Variants in ADARB2 observed in about 807,000 individuals in gnomAD.
ADARB2 encodes the protein adenosine deaminase RNA specific B2 (inactive).
ADARB2 carries 25 observed loss-of-function variants against 62.2 expected under a neutral mutation model. The observed-to-expected ratio is 0.40, with a 90% CI of 0.29 to 0.56. ADARB2 has a LOEUF of 0.56. Among genes scored for constraint, ADARB2 ranks in the 20% least tolerant of loss-of-function variants. ADARB2 has a pLI of 0.43. For missense variants in ADARB2, 1,071 were observed against 1,077.4 expected (o/e 0.99, Z 0.08); for synonymous variants, 572 against 500.8 (o/e 1.14, Z -1.90).
intron 3 of ADARB2, among the ~76,000 whole-genome samples, chr10:1,303,433 A>C (rs905700116): frequency 3.3e-5 from 5 of 152,122 alleles, no homozygotes; most frequent in African/African-American, 1.2e-4. Context: ...GGGAGAATGG[A>C]ACCAAGTTGG....
intron 1 of ADARB2, among the ~76,000 whole-genome samples, chr10:1,730,627 ATCATC>A (rs1835218603): frequency 1.3e-5 from 2 of 149,790 alleles, no homozygotes; most frequent in Non-Finnish European, 3.0e-5. Context: ...GAGCATTTAT[ATCATC>A]TTTCTCTTCG....
chr10:1,460,840 TGTG>T (rs1831164670), intron 1 of ADARB2, among the ~76,000 whole-genome samples: 4 of 128,314 alleles, frequency 3.1e-5, no homozygotes, highest in African/African-American at 9.6e-5. Flanking sequence ...CAAACCTGCC[TGTG>T]ACCTGAGTTT....
intron 1 of ADARB2, among the ~76,000 whole-genome samples, chr10:1,446,564 G>T (rs548296414): frequency 6.6e-6 from 1 of 152,322 alleles, no homozygotes; most frequent in East Asian, 1.9e-4. Context: ...GCAGGGAGGC[G>T]GTGCTGAAGC....
At position 1,200,109 on chromosome 10, in the gene ADARB2, T is replaced by C. The variant is rs765803187; in HGVS notation, c.1721A>G (p.His574Arg). ...CTGCAGGTACACGGGCTCCACGAAG[T>C]GGGACAGGAGCGCGCCCTGCAGCCC... ...VLGLQGALLS[H>R]FVEPVYLQSI... Residue 574 changes from histidine to arginine, a missense_variant, in exon 8 of 10, where the codon CAC becomes CGC. Physicochemically the swap from His to Arg is conservative, Grantham distance 29. Coordinates refer to ENST00000381312, the MANE Select transcript of ADARB2 (RefSeq NM_018702.4). 5.1e-6 allele frequency: 8 copies of C among 1,558,580 alleles called. No homozygotes were observed. Among genetic ancestry groups the C allele is most frequent in the Non-Finnish European group, 6.9e-6 (8 of 1,152,462 alleles).
intron 1 of ADARB2, among the ~76,000 whole-genome samples, chr10:1,599,240 T>A (rs1305779706): frequency 6.6e-6 from 1 of 152,122 alleles, no homozygotes; most frequent in African/African-American, 2.4e-5. Context: ...GAAACAAAGA[T>A]GGAAAGGCCG....
In ADARB2 at chr10:1,636,834, A is replaced by G. The variant is rs185390668; in HGVS notation, c.100+100217T>C. 3.4e-3 allele frequency among the ~76,000 whole-genome samples: 511 copies of G among 148,406 alleles called. 1 individual carries two copies. The highest frequency in any genetic ancestry group is 7.1e-3 in the Middle Eastern group (2 of 280). ...TGTTATATATGTCATATATTATATA[A>G]CATATATCACAAATTATAAAACATA... On this transcript the variant is annotated intron_variant, in intron 1 of 9. Coordinates refer to ENST00000381312, the MANE Select transcript of ADARB2 (RefSeq NM_018702.4).
In ADARB2 at chr10:1,639,242, G is replaced by T. The variant is rs537323583; in HGVS notation, c.100+97809C>A. Among the ~76,000 whole-genome samples, 4 of 152,266 alleles carry T rather than the reference G, an allele frequency of 2.6e-5. No individual in the cohort carries two copies. The East Asian group carries it at 7.7e-4, about 29-fold the overall frequency. On this transcript the variant is annotated intron_variant, in intron 1 of 9. Transcript: ENST00000381312. ...GCTGACCGCATCCAGGAGGCTGACC[G>T]CATCCAGGAGGTTGACCGCATCCAG...
Position 1,313,776 on chromosome 10 carries a change from T to C in ADARB2, c.1078-42707A>G, listed in dbSNP as rs184397314. ...CTTGCTTGCACAGTGCAAACTTCCATTGTGCAGAGGTTTCACAGAAACATG... is the reference window on the plus strand; with the variant it reads ...CTTGCTTGCACAGTGCAAACTTCCACTGTGCAGAGGTTTCACAGAAACATG... On this transcript the variant is annotated intron_variant, in intron 3 of 9. Coordinates refer to ENST00000381312, the MANE Select transcript of ADARB2 (RefSeq NM_018702.4). 7.3e-4 allele frequency among the ~76,000 whole-genome samples: 111 copies of C among 152,318 alleles called. 1 individual carries two copies. Among genetic ancestry groups the C allele is most frequent in the Non-Finnish European group, 1.4e-3 (97 of 68,022 alleles).
chr10:1,536,632 G>A (rs1177592073), intron 1 of ADARB2, among the ~76,000 whole-genome samples: 1 of 152,202 alleles, frequency 6.6e-6, no homozygotes, highest in Admixed American at 6.5e-5. Context: ...TCTGAATGTT[G>A]TAACTAGGAC....
chr10:1,594,014 G>A lies in ADARB2; in HGVS notation c.100+143037C>T, dbSNP rs139067136. On this transcript the variant is annotated intron_variant, in intron 1 of 9. Coordinates refer to ENST00000381312, the MANE Select transcript of ADARB2 (RefSeq NM_018702.4). The stretch of plus-strand genomic sequence containing the variant: ...GACTTAAAAACAAGTCTGTGAGGCC[G>A]GGTGCAGTGGCTCATGCTTGTAATC... Among the ~76,000 whole-genome samples, 585 of 152,266 alleles carry A rather than the reference G, an allele frequency of 3.8e-3. 2 individuals are homozygous for A. The highest frequency in any genetic ancestry group is 0.013 in the African/African-American group (540 of 41,558).
intron 1 of ADARB2, among the ~76,000 whole-genome samples, chr10:1,558,862 A>G (rs1832750152): frequency 6.6e-6 from 1 of 150,722 alleles, no homozygotes; most frequent in Admixed American, 6.7e-5. Context: ...CTTCAGAGCC[A>G]TGACCACTTC....
chr10:1,185,191 A>G, intron 8 of ADARB2, 152 bp from the exon 9 acceptor site: 1 of 1,072,048 alleles, frequency 9.3e-7, no homozygotes, highest in Non-Finnish European at 1.3e-6. Context: ...TGTCACCCGC[A>G]GGGCGGAGGC....
intron 1 of ADARB2, among the ~76,000 whole-genome samples, chr10:1,509,887 CTTCT>C (rs1831899384): frequency 1.3e-5 from 2 of 152,176 alleles, no homozygotes; most frequent in South Asian, 4.1e-4. Context: ...TGGCTATTTT[CTTCT>C]TTCTTTATGT....
chr10:1,232,409 C>T (rs1467843389), intron 6 of ADARB2, among the ~76,000 whole-genome samples: 1 of 144,298 alleles, frequency 6.9e-6, no homozygotes, highest in Non-Finnish European at 1.5e-5. Flanking sequence ...GTGCTTGTGG[C>T]ATGTGTGTGG....
chr10:1,722,039 A>G (rs1322073103), intron 1 of ADARB2, among the ~76,000 whole-genome samples: 2 of 152,178 alleles, frequency 1.3e-5, no homozygotes, highest in Non-Finnish European at 2.9e-5. Flanking sequence ...GTGAGTGTTT[A>G]TGTAAAACGA....
chr10:1,240,375 T>G (rs1300015585), intron 5 of ADARB2: 1 of 150,276 alleles, frequency 6.7e-6, no homozygotes, highest in African/African-American at 2.5e-5. Context: ...CCCTGCTTCC[T>G]GGCCATCTAC....
chr10:1,597,209 T>C (rs534671619), intron 1 of ADARB2, among the ~76,000 whole-genome samples: 36 of 152,194 alleles, frequency 2.4e-4, no homozygotes, highest in Non-Finnish European at 4.3e-4. Context: ...TGAAGCCCTC[T>C]GGGTGTTTTT....
At chr10:1,474,055 T>G (rs912150541) in intron 1 of ADARB2, among the ~76,000 whole-genome samples, 1 of 152,290 alleles carries the variant, frequency 6.6e-6, no homozygotes, top group Non-Finnish European at 1.5e-5. Flanking sequence ...GACATGCCTT[T>G]CCTTGCTGAG....
chr10:1,492,055 T>G (rs1831628931), intron 1 of ADARB2, among the ~76,000 whole-genome samples: 1 of 152,254 alleles, frequency 6.6e-6, no homozygotes, highest in Admixed American at 6.5e-5. Flanking sequence ...TCTATAACTC[T>G]TCATTGAGTT....
Sources: allele counts gnomAD v4.1 joint callset (sites outside exome capture counted in the v4.1 genomes callset), GRCh38; gene constraint gnomAD v4.1.1; transcripts MANE v1.5; gene names NCBI Gene and HGNC (gene_info 2026-07-23, HGNC 2026-07-21).